The following PPP6C variants were observed in gnomAD, a reference collection of about 807,000 sequenced individuals.
The protein encoded by PPP6C is serine/threonine-protein phosphatase 6 catalytic subunit.
In PPP6C, 11 loss-of-function variants were observed where a neutral mutation model predicts 39.8. The ratio of observed to expected loss-of-function variants is 0.28; its 90% CI spans 0.17 to 0.46. The LOEUF is 0.46. Ranked by LOEUF, PPP6C falls within the 20% of genes least tolerant of loss-of-function variation. The probability of loss-of-function intolerance (pLI) is 1.00; values close to 1 mark genes in which losing one functional copy is unlikely to be tolerated. For missense variants in PPP6C, 211 were observed against 373.9 expected (o/e 0.56, Z 3.59); for synonymous variants, 129 against 130.3 (o/e 0.99, Z 0.07).
chr9:125,187,224 G>A (rs543871773), intron 1 of PPP6C, among the ~76,000 whole-genome samples: 8 of 151,780 alleles, frequency 5.3e-5, no homozygotes, highest in Non-Finnish European at 8.8e-5. Flanking sequence ...TGGGATTACA[G>A]GCGTGAGCCA....
At chr9:125,154,023 G>T in intron 4 of PPP6C, 38 bp from the exon 5 acceptor site, 1 of 1,436,874 alleles carries the variant, frequency 7.0e-7, no homozygotes, top group Non-Finnish European at 9.7e-7. Context: ...TAATGAATCT[G>T]CTAATAAAAA....
Position 125,147,539 on chromosome 9 carries a change from C to CA in PPP6C, c.*2133dup, listed in dbSNP as rs1031716578. ...AATAGTAAAAACTATTTTTTCCATG[C>CA]AAAAAGCCATTATTCAGTTGAAGAG... On this transcript the variant is annotated 3_prime_UTR_variant, in exon 7 of 7. Coordinates refer to ENST00000373547, the MANE Select transcript of PPP6C (RefSeq NM_002721.5). 1 of 151,908 alleles carries CA rather than the reference C, an allele frequency of 6.6e-6. No homozygotes were observed. Among genetic ancestry groups the CA allele is most frequent in the Non-Finnish European group, 1.5e-5 (1 of 67,970 alleles). 9.4% of individuals were successfully genotyped at this position (151,908 alleles called of 1,614,324 possible). A position where few individuals can be genotyped will look rare whatever the true frequency, so the allele number is the denominator to read the frequency against.
At position 125,147,244 on chromosome 9, in the gene PPP6C, G is replaced by A. The variant is rs1017714932; in HGVS notation, c.*2429C>T. 6.6e-6 allele frequency: 1 copy of A among 152,102 alleles called. No individual in the cohort carries two copies. Among genetic ancestry groups the A allele is most frequent in the Non-Finnish European group, 1.5e-5 (1 of 68,024 alleles). The allele number at this position is 152,102 out of a possible 1,614,324, so 9.4% of individuals were successfully genotyped here. The stretch of plus-strand genomic sequence containing the variant: ...GTAGACAGTTCTCACTAGAGCCTAG[G>A]GCACTTTATTAGAAACCAAGTATAT... On this transcript the variant is annotated 3_prime_UTR_variant, in exon 7 of 7. Coordinates refer to ENST00000373547, the MANE Select transcript of PPP6C (RefSeq NM_002721.5).
At chr9:125,168,404 A>C (rs1829071018) in intron 2 of PPP6C, among the ~76,000 whole-genome samples, 1 of 152,210 alleles carries the variant, frequency 6.6e-6, no homozygotes, top group Non-Finnish European at 1.5e-5. Flanking sequence ...CATTGTATTT[A>C]ATCAGTCAAT....
chr9:125,170,512 C>T (rs982216895), intron 2 of PPP6C, among the ~76,000 whole-genome samples: 1 of 152,204 alleles, frequency 6.6e-6, no homozygotes, highest in Non-Finnish European at 1.5e-5. Context: ...GCTGGGACTA[C>T]AGGTGTGAGC....
intron 2 of PPP6C, among the ~76,000 whole-genome samples, chr9:125,165,931 A>G (rs769901179): frequency 1.3e-5 from 2 of 150,964 alleles, no homozygotes; most frequent in African/African-American, 4.9e-5. Flanking sequence ...TAAGTAGCCG[A>G]GATTACAGGC....
At chr9:125,169,773 A>G (rs1178588660) in intron 2 of PPP6C, among the ~76,000 whole-genome samples, 2 of 152,196 alleles carry the variant, frequency 1.3e-5, no homozygotes, top group African/African-American at 2.4e-5. Context: ...GTCTACTCTA[A>G]AGAACTGTAA....
chr9:125,152,995 G>A (rs1356308786), intron 6 of PPP6C, among the ~76,000 whole-genome samples: 1 of 151,922 alleles, frequency 6.6e-6, no homozygotes, highest in African/African-American at 2.4e-5. Context: ...GGGGCTGGCC[G>A]GGTGCGGTGG....
At chr9:125,169,963 A>C (rs1367159283) in intron 2 of PPP6C, among the ~76,000 whole-genome samples, 1 of 152,194 alleles carries the variant, frequency 6.6e-6, no homozygotes, top group Non-Finnish European at 1.5e-5. Flanking sequence ...AATCAGAGTC[A>C]ATTTACACAC....
intron 2 of PPP6C, among the ~76,000 whole-genome samples, chr9:125,164,792 G>A (rs1350616848): frequency 6.6e-6 from 1 of 152,042 alleles, no homozygotes; most frequent in African/African-American, 2.4e-5. Context: ...AGACTGGAGT[G>A]CAGTGGCATG....
intron 1 of PPP6C, among the ~76,000 whole-genome samples, chr9:125,171,466 CACACACACACACATATATATATATATAT>C (rs1293815744): frequency 9.4e-5 from 8 of 85,520 alleles, no homozygotes; most frequent in African/African-American, 3.0e-4. Context: ...CATATACACA[CACACACACACACATATATATATATATAT>C]ATATATATAT....
At chr9:125,151,253 C>G in intron 6 of PPP6C, 1 of 1,501,402 alleles carries the variant, frequency 6.7e-7, no homozygotes. Flanking sequence ...CCGCATGGTG[C>G]TTGTGGGAGA....
intron 1 of PPP6C, chr9:125,189,433 T>C: frequency 7.4e-7 from 1 of 1,342,982 alleles, no homozygotes; most frequent in East Asian, 2.7e-5. Context: ...GCGACATCCC[T>C]CGGGATCCCC....
At chr9:125,167,356 G>A (rs551780934) in intron 2 of PPP6C, among the ~76,000 whole-genome samples, 76 of 136,410 alleles carry the variant, frequency 5.6e-4, no homozygotes, top group Admixed American at 1.0e-3. Context: ...ACTCCAGCTT[G>A]GGTGACAGAG....
chr9:125,164,028 G>A (rs1337042951), intron 2 of PPP6C, among the ~76,000 whole-genome samples: 3 of 151,166 alleles, frequency 2.0e-5, no homozygotes, highest in South Asian at 2.1e-4. Context: ...ATTAAAGACG[G>A]GGTTTCACCA....
intron 2 of PPP6C, among the ~76,000 whole-genome samples, chr9:125,170,653 C>T (rs1401588551): frequency 6.6e-6 from 1 of 152,110 alleles, no homozygotes; most frequent in Non-Finnish European, 1.5e-5. Flanking sequence ...TTTTCTGTAC[C>T]TTTGCTATTC....
chr9:125,166,793 G>A (rs919748632), intron 2 of PPP6C, among the ~76,000 whole-genome samples: 2 of 152,044 alleles, frequency 1.3e-5, no homozygotes, highest in Non-Finnish European at 2.9e-5. Flanking sequence ...GGGATTACAG[G>A]TGTGAGCCAC....
At chr9:125,156,003 T>C (rs1208641901) in intron 4 of PPP6C, among the ~76,000 whole-genome samples, 1 of 151,976 alleles carries the variant, frequency 6.6e-6, no homozygotes, top group Non-Finnish European at 1.5e-5. Flanking sequence ...ATAGTAGGTG[T>C]GTGTGTTTTT....
intron 1 of PPP6C, among the ~76,000 whole-genome samples, chr9:125,172,605 T>C (rs1462462514): frequency 3.3e-5 from 5 of 152,116 alleles, no homozygotes; most frequent in Non-Finnish European, 5.9e-5. Flanking sequence ...TGGGTGTGGC[T>C]ATAAAAGGGC....
Sources: allele counts gnomAD v4.1 joint callset (sites outside exome capture counted in the v4.1 genomes callset), GRCh38; gene constraint gnomAD v4.1.1; transcripts MANE v1.5; gene names NCBI Gene and HGNC (gene_info 2026-07-23, HGNC 2026-07-21).